Variants in PXDNL observed in about 807,000 individuals in gnomAD.
PXDNL encodes probable oxidoreductase PXDNL.
In PXDNL, 145 loss-of-function variants were observed where a neutral mutation model predicts 150.8. That is an observed-to-expected ratio of 0.96 (90% CI 0.84 to 1.10). PXDNL has a LOEUF of 1.10. Ranked by LOEUF, PXDNL falls within the 50% of genes least tolerant of loss-of-function variation. The probability of loss-of-function intolerance (pLI) is 0.00; values close to 1 mark genes in which losing one functional copy is unlikely to be tolerated. For missense variants in PXDNL, 2,087 were observed against 1,873.9 expected, an observed-to-expected ratio of 1.11 and a Z score of -2.10; for synonymous variants, 757 against 725.7, an observed-to-expected ratio of 1.04 and a Z score of -0.69.
chr8:51,384,403 T>C (rs1331052821), intron 17 of PXDNL, among the ~76,000 whole-genome samples: 2 of 152,154 alleles, frequency 1.3e-5, no homozygotes, highest in Non-Finnish European at 2.9e-5. Context: ...TATGGTTAAT[T>C]TGTCATTAAC....
At chr8:51,647,451 GCAGAGAGA>G (rs1814943071) in intron 2 of PXDNL, among the ~76,000 whole-genome samples, 5 of 152,286 alleles carry the variant, frequency 3.3e-5, no homozygotes, top group Admixed American at 2.6e-4. Flanking sequence ...CCAAAACGAG[GCAGAGAGA>G]AACTAAACAA....
chr8:51,695,048 T>C (rs888442651), intron 1 of PXDNL, among the ~76,000 whole-genome samples: 1 of 152,174 alleles, frequency 6.6e-6, no homozygotes, highest in Non-Finnish European at 1.5e-5. Context: ...TGCATAACTA[T>C]GTTTATTAGA....
At chr8:51,430,443 G>A (rs1460526047) in intron 12 of PXDNL, among the ~76,000 whole-genome samples, 1 of 152,154 alleles carries the variant, frequency 6.6e-6, no homozygotes, top group Non-Finnish European at 1.5e-5. Context: ...CATGCCCTGA[G>A]TTCCCTGAAA....
intron 1 of PXDNL, among the ~76,000 whole-genome samples, chr8:51,706,623 G>A (rs1043719525): frequency 1.3e-5 from 2 of 152,094 alleles, no homozygotes; most frequent in African/African-American, 2.4e-5. Flanking sequence ...AGGAGTAACA[G>A]GATTGAAATA....
intron 2 of PXDNL, among the ~76,000 whole-genome samples, chr8:51,608,836 C>CAAAA (rs59195880): frequency 0.028 from 1,597 of 57,324 alleles, 106 homozygotes; most frequent in African/African-American, 0.061. Context: ...GACTCTGTCT[C>CAAAA]AAAAAAAAAA....
At chr8:51,433,233 T>C (rs1809301996) in intron 12 of PXDNL, among the ~76,000 whole-genome samples, 1 of 148,800 alleles carries the variant, frequency 6.7e-6, no homozygotes, top group Non-Finnish European at 1.5e-5. Context: ...ATAATAATAA[T>C]AATAATAATA....
rs1475658243 is a variant in PXDNL, at chr8:51,524,971, C to A, written c.381-25201G>T. Among the ~76,000 whole-genome samples, 6 of 152,318 alleles carry A rather than the reference C, an allele frequency of 3.9e-5. No homozygotes were observed. In the South Asian group the frequency reaches 8.3e-4, roughly 21 times the overall value. ...AAAACTGTTGACTCATACACCCTCG[C>A]CTTGCTGGAACAGGGGTGTGTTGAA... is the stretch of plus-strand genomic sequence containing the variant. On this transcript the variant is annotated intron_variant, in intron 4 of 22. Coordinates refer to ENST00000356297, the MANE Select transcript of PXDNL (RefSeq NM_144651.5).
intron 17 of PXDNL, among the ~76,000 whole-genome samples, chr8:51,406,236 C>G (rs898878603): frequency 6.6e-6 from 1 of 152,170 alleles, no homozygotes; most frequent in Non-Finnish European, 1.5e-5. Flanking sequence ...ACGTCATACC[C>G]CTAACTTTTT....
At chr8:51,788,949 T>C (rs2037484950) in intron 1 of PXDNL, among the ~76,000 whole-genome samples, 1 of 143,342 alleles carries the variant, frequency 7.0e-6, no homozygotes, top group South Asian at 2.1e-4. Context: ...GTACTCCCTG[T>C]CCTGTGGATA....
At chr8:51,738,430 A>G (rs560623887) in intron 1 of PXDNL, among the ~76,000 whole-genome samples, 1 of 152,084 alleles carries the variant, frequency 6.6e-6, no homozygotes, top group Non-Finnish European at 1.5e-5. Context: ...AGAACATTCC[A>G]CTTTCTCCCC....
chr8:51,409,661 G>T lies in PXDNL; in HGVS notation c.2063-100C>A, dbSNP rs1158173036. 6.0e-6 allele frequency: 5 copies of T among 826,788 alleles called. No homozygotes were observed. The South Asian group carries it at 6.2e-5, about 10-fold the overall frequency. 51.2% of individuals were successfully genotyped at this position (826,788 alleles called of 1,614,324 possible). A position where few individuals can be genotyped will look rare whatever the true frequency, so the allele number is the denominator to read the frequency against. ...GCGGGAACCACCTCCCACCCCGCCCGCCCTGAGTGAAAAGAGGCCTTTCTT... is the reference window on the plus strand; with the variant it reads ...GCGGGAACCACCTCCCACCCCGCCCTCCCTGAGTGAAAAGAGGCCTTTCTT... On this transcript the variant is annotated intron_variant, in intron 16 of 22. Transcript: ENST00000356297.
chr8:51,798,972 G>A (rs557928648), intron 1 of PXDNL, among the ~76,000 whole-genome samples: 2 of 152,076 alleles, frequency 1.3e-5, no homozygotes, highest in Non-Finnish European at 2.9e-5. Flanking sequence ...CAATAGTTAA[G>A]ACATGGAATC....
At chr8:51,510,711 T>A (rs1419035617) in intron 4 of PXDNL, among the ~76,000 whole-genome samples, 3 of 152,092 alleles carry the variant, frequency 2.0e-5, no homozygotes, top group African/African-American at 7.2e-5. Context: ...TTAAGATTCC[T>A]GGGGCCGGCC....
intron 3 of PXDNL, among the ~76,000 whole-genome samples, chr8:51,572,333 C>A (rs1276565743): frequency 2.0e-5 from 3 of 151,738 alleles, no homozygotes; most frequent in Admixed American, 2.0e-4. Flanking sequence ...AACAGATATA[C>A]CACACTTAAG....
intron 3 of PXDNL, among the ~76,000 whole-genome samples, chr8:51,583,234 G>T (rs993929344): frequency 7.2e-5 from 11 of 152,120 alleles, no homozygotes; most frequent in Non-Finnish European, 1.2e-4. Context: ...AGTTCAGCAG[G>T]TTGTATGAGG....
intron 4 of PXDNL, among the ~76,000 whole-genome samples, chr8:51,512,089 T>TA (rs772977673): frequency 1.5e-4 from 22 of 151,376 alleles, no homozygotes; most frequent in East Asian, 3.9e-4. Flanking sequence ...ACCATTCCCA[T>TA]AAAAAAAAAC....
intron 17 of PXDNL, among the ~76,000 whole-genome samples, chr8:51,389,251 CT>C (rs1484439552): frequency 6.6e-6 from 1 of 152,150 alleles, no homozygotes; most frequent in Admixed American, 6.5e-5. Context: ...TCATGTGCCC[CT>C]GGGCTGTTTT....
chr8:51,735,802 T>C (rs1267456234), intron 1 of PXDNL, among the ~76,000 whole-genome samples: 2 of 151,874 alleles, frequency 1.3e-5, no homozygotes, highest in Non-Finnish European at 2.9e-5. Flanking sequence ...CGCCTCGGCC[T>C]CCCAAAGTGC....
intron 4 of PXDNL, among the ~76,000 whole-genome samples, chr8:51,506,034 A>G (rs1473653278): frequency 6.6e-6 from 1 of 152,264 alleles, no homozygotes; most frequent in Non-Finnish European, 1.5e-5. Context: ...CTGATTTTAA[A>G]GGAAAAATTG....
Sources: allele counts gnomAD v4.1 joint callset (sites outside exome capture counted in the v4.1 genomes callset), GRCh38; gene constraint gnomAD v4.1.1; transcripts MANE v1.5; gene names NCBI Gene and HGNC (gene_info 2026-07-23, HGNC 2026-07-21).